The following CSMD1 variants were observed in gnomAD, a reference collection of about 807,000 sequenced individuals.
CSMD1 encodes CUB and sushi domain-containing protein 1.
A neutral mutation model predicts 417.5 loss-of-function variants in CSMD1; 213 were observed. The observed-to-expected ratio is 0.51, with a 90% CI of 0.46 to 0.57. The LOEUF (loss-of-function observed/expected upper bound fraction) is 0.57. Among genes scored for constraint, CSMD1 ranks in the 20% least tolerant of loss-of-function variants. The pLI is 0.00. For missense variants in CSMD1, 6,923 were observed against 4,529.7 expected (o/e 1.53, Z -15.17); for synonymous variants, 2,862 against 1,736.8 (o/e 1.65, Z -16.11).
intron 8 of CSMD1, among the ~76,000 whole-genome samples, chr8:3,596,199 C>G (rs867512650): frequency 2.0e-5 from 3 of 152,122 alleles, no homozygotes; most frequent in African/African-American, 7.2e-5. Flanking sequence ...CTCCAGCAGC[C>G]TGCACCACCG....
At chr8:3,248,981 C>T (rs1056055455) in intron 26 of CSMD1, among the ~76,000 whole-genome samples, 2 of 152,096 alleles carry the variant, frequency 1.3e-5, no homozygotes, top group African/African-American at 4.8e-5. Context: ...TTTACCTTCT[C>T]TAGAAGGTGC....
rs370462497 is a variant in CSMD1 at position 4,332,353 on chromosome 8, G to C, written c.415+87600C>G. Among the ~76,000 whole-genome samples the C allele has an allele frequency of 1.8e-4, 27 of 152,190 alleles. 1 individual carries two copies. In the East Asian group the frequency reaches 4.8e-3, roughly 27 times the overall value. Reference sequence around the variant, plus strand: ...GATCACCAAAACGCTGAAAAAGGAAGACAGCATTGCACTCAAATTAACGAT... The same window carrying C: ...GATCACCAAAACGCTGAAAAAGGAACACAGCATTGCACTCAAATTAACGAT... On this transcript the variant is annotated intron_variant, in intron 3 of 69. Coordinates refer to ENST00000635120, the MANE Select transcript of CSMD1 (RefSeq NM_033225.6).
chr8:4,518,776 T>C (rs780598280), intron 2 of CSMD1, among the ~76,000 whole-genome samples: 5 of 151,508 alleles, frequency 3.3e-5, no homozygotes, highest in South Asian at 2.1e-4. Context: ...AATAATAAAA[T>C]AAAATTTAAA....
intron 1 of CSMD1, among the ~76,000 whole-genome samples, chr8:4,812,525 C>T (rs1798966787): frequency 6.6e-6 from 1 of 152,118 alleles, no homozygotes; most frequent in South Asian, 2.1e-4. Context: ...ATTATACATT[C>T]TATGTTTGCA....
chr8:4,111,266 T>C (rs1801840113), intron 3 of CSMD1, among the ~76,000 whole-genome samples: 1 of 152,188 alleles, frequency 6.6e-6, no homozygotes, highest in Admixed American at 6.5e-5. Flanking sequence ...CAGTTTGTTT[T>C]AGATATAGAT....
At chr8:3,386,684 A>C (rs1359304887) in intron 18 of CSMD1, among the ~76,000 whole-genome samples, 1 of 152,202 alleles carries the variant, frequency 6.6e-6, no homozygotes, top group Non-Finnish European at 1.5e-5. Flanking sequence ...TGCTTTTTCC[A>C]TAGAAACAAT....
chr8:4,626,976 G>C (rs10104818), intron 2 of CSMD1, among the ~76,000 whole-genome samples: 2 of 151,936 alleles, frequency 1.3e-5, no homozygotes, highest in Non-Finnish European at 2.9e-5. Context: ...GTAGGTGAGT[G>C]TATTTATTGT....
chr8:4,196,692 G>A (rs1361895949), intron 3 of CSMD1, among the ~76,000 whole-genome samples: 2 of 152,106 alleles, frequency 1.3e-5, no homozygotes, highest in African/African-American at 4.8e-5. Flanking sequence ...GCTTTTAAGA[G>A]TTCACATAGC....
intron 1 of CSMD1, among the ~76,000 whole-genome samples, chr8:4,812,234 G>A (rs549931829): frequency 6.6e-6 from 1 of 152,156 alleles, no homozygotes; most frequent in African/African-American, 2.4e-5. Context: ...GACACAACCA[G>A]TCGAAGTCTG....
At chr8:4,950,419 C>A (rs187495636) in intron 1 of CSMD1, among the ~76,000 whole-genome samples, 31 of 151,442 alleles carry the variant, frequency 2.0e-4, no homozygotes, top group Admixed American at 6.6e-4. Flanking sequence ...TTTTTAGATT[C>A]TTTTATTTTA....
chr8:3,154,605 C>T (rs1398350011), intron 39 of CSMD1, among the ~76,000 whole-genome samples: 3 of 152,000 alleles, frequency 2.0e-5, no homozygotes, highest in Non-Finnish European at 2.9e-5. Context: ...GCTGAAGAGC[C>T]CTGCGGTGCA....
chr8:4,384,051 G>C (rs1410909805), intron 3 of CSMD1, among the ~76,000 whole-genome samples: 1 of 44,766 alleles, frequency 2.2e-5, no homozygotes, highest in African/African-American at 1.6e-4. Flanking sequence ...GTCTTGTTCA[G>C]TGTTGTTTTT....
At chr8:4,649,802 T>G (rs1803770208) in intron 1 of CSMD1, among the ~76,000 whole-genome samples, 1 of 152,258 alleles carries the variant, frequency 6.6e-6, no homozygotes, top group Non-Finnish European at 1.5e-5. Context: ...TAGTTTTATT[T>G]CATAAGTAAC....
chr8:3,264,108 C>T lies in CSMD1; in HGVS notation c.4153+20036G>A, dbSNP rs573465333. Among the ~76,000 whole-genome samples, 363 of 152,180 alleles carry T rather than the reference C, an allele frequency of 2.4e-3. 6 individuals carry two copies. The highest frequency in any genetic ancestry group is 8.5e-3 in the African/African-American group (353 of 41,512). ...AGATCCTTTTCTAAACATTTATTCA[C>T]CTCAATAATATGATTAAACTGATTC... On this transcript the variant is annotated intron_variant, in intron 26 of 69. Coordinates refer to ENST00000635120, the MANE Select transcript of CSMD1 (RefSeq NM_033225.6).
intron 2 of CSMD1, among the ~76,000 whole-genome samples, chr8:4,628,409 CATATATATACAT>C (rs1230845014): frequency 7.1e-6 from 1 of 140,630 alleles, no homozygotes; most frequent in Non-Finnish European, 1.5e-5. Context: ...TATATATACA[CATATATATACAT>C]ATATATACAC....
chr8:4,103,432 G>C (rs891786568), intron 3 of CSMD1, among the ~76,000 whole-genome samples: 4 of 150,858 alleles, frequency 2.7e-5, no homozygotes, highest in Admixed American at 2.0e-4. Flanking sequence ...TTTTTTGTCT[G>C]TTAAAAAAGG....
At chr8:4,071,575 T>G (rs1799560773) in intron 3 of CSMD1, among the ~76,000 whole-genome samples, 1 of 152,180 alleles carries the variant, frequency 6.6e-6, no homozygotes, top group East Asian at 1.9e-4. Flanking sequence ...CCAACATCTG[T>G]GTCCTATCAA....
intron 3 of CSMD1, among the ~76,000 whole-genome samples, chr8:4,154,583 G>C (rs753290062): frequency 2.0e-5 from 3 of 152,092 alleles, no homozygotes; most frequent in Non-Finnish European, 4.4e-5. Context: ...CAAGAGGTGA[G>C]GTCTTTGGCA....
intron 10 of CSMD1, among the ~76,000 whole-genome samples, chr8:3,567,623 C>G (rs76463312): frequency 0.026 from 3,938 of 152,020 alleles, 166 homozygotes; most frequent in African/African-American, 0.085. Context: ...TACCTATCAT[C>G]TGGTATCAGC....
Sources: allele counts gnomAD v4.1 joint callset (sites outside exome capture counted in the v4.1 genomes callset), GRCh38; gene constraint gnomAD v4.1.1; transcripts MANE v1.5; gene names NCBI Gene and HGNC (gene_info 2026-07-23, HGNC 2026-07-21).